The following EYS variants were observed in gnomAD, a reference collection of about 807,000 sequenced individuals.
EYS encodes protein eyes shut homolog.
In EYS, 250 loss-of-function variants were observed where a neutral mutation model predicts 282.1. That is an observed-to-expected ratio of 0.89 (90% CI 0.80 to 0.98). The LOEUF is 0.98. Among genes scored for constraint, EYS ranks in the 50% least tolerant of loss-of-function variants. EYS has a pLI of 0.00. For missense variants in EYS, 4,016 were observed against 3,709.0 expected, an observed-to-expected ratio of 1.08 and a Z score of -2.15; for synonymous variants, 1,355 against 1,282.9, an observed-to-expected ratio of 1.06 and a Z score of -1.20.
intron 22 of EYS, among the ~76,000 whole-genome samples, chr6:64,630,507 A>G (rs984175436): frequency 1.3e-5 from 2 of 152,210 alleles, no homozygotes; most frequent in Non-Finnish European, 2.9e-5. Context: ...CTGTTGATAT[A>G]TAATCATATT....
At chr6:64,364,911 T>G in intron 29 of EYS, among the ~76,000 whole-genome samples, 1 of 151,890 alleles carries the variant, frequency 6.6e-6, no homozygotes, top group East Asian at 1.9e-4. Flanking sequence ...AAAATAAAAA[T>G]AACCTGTATA....
chr6:63,728,045 A>G (rs181339807), intron 41 of EYS, among the ~76,000 whole-genome samples: 76 of 152,130 alleles, frequency 5.0e-4, no homozygotes, highest in Admixed American at 1.3e-3. Context: ...TTAAAATTTT[A>G]AGAACACAAG....
chr6:65,614,771 A>C (rs1020230961), intron 2 of EYS, among the ~76,000 whole-genome samples: 5 of 152,160 alleles, frequency 3.3e-5, no homozygotes, highest in African/African-American at 1.2e-4. Context: ...CAAAATGGTT[A>C]ATGAAATACT....
chr6:65,469,781 T>A (rs1470526004), intron 5 of EYS, among the ~76,000 whole-genome samples: 1 of 152,076 alleles, frequency 6.6e-6, no homozygotes, highest in Non-Finnish European at 1.5e-5. Flanking sequence ...CAAAAAACTT[T>A]CTTCCTCAGC....
chr6:64,963,979 T>G (rs904046882), intron 14 of EYS, among the ~76,000 whole-genome samples: 3 of 152,118 alleles, frequency 2.0e-5, no homozygotes, highest in African/African-American at 7.2e-5. Flanking sequence ...TACCTACTTT[T>G]AAGCAATAGG....
At chr6:64,127,477 C>T (rs1773823437) in intron 31 of EYS, among the ~76,000 whole-genome samples, 2 of 152,000 alleles carry the variant, frequency 1.3e-5, no homozygotes, top group Admixed American at 6.6e-5. Flanking sequence ...CTAATATTAA[C>T]ACAAACTAGG....
At chr6:63,885,428 C>A (rs1447535729) in intron 35 of EYS, among the ~76,000 whole-genome samples, 1 of 152,126 alleles carries the variant, frequency 6.6e-6, no homozygotes, top group East Asian at 1.9e-4. Context: ...CAATGATACT[C>A]ATGGCCAATG....
At chr6:64,160,015 G>A (rs1205088746) in intron 31 of EYS, among the ~76,000 whole-genome samples, 1 of 152,126 alleles carries the variant, frequency 6.6e-6, no homozygotes, top group Non-Finnish European at 1.5e-5. Context: ...GTACAAACAG[G>A]TAGCTCACTT....
At chr6:63,957,517 C>T (rs114628118) in intron 35 of EYS, among the ~76,000 whole-genome samples, 3,558 of 140,990 alleles carry the variant, frequency 0.025, 328 homozygotes, top group African/African-American at 0.079. Context: ...TAATTGTATT[C>T]TTCTATTAAA....
chr6:63,936,482 C>T (rs572568811), intron 35 of EYS, among the ~76,000 whole-genome samples: 22 of 148,984 alleles, frequency 1.5e-4, no homozygotes, highest in Non-Finnish European at 2.1e-4. Context: ...TCCCCTAAAG[C>T]CCCCAGCTTA....
chr6:63,978,565 G>C (rs1468339177), intron 35 of EYS, among the ~76,000 whole-genome samples: 1 of 151,938 alleles, frequency 6.6e-6, no homozygotes, highest in African/African-American at 2.4e-5. Context: ...AGGGTAGACT[G>C]CTGAGCTAGA....
rs1774020063 is a variant in EYS at position 64,786,346 on chromosome 6, G to T, written c.3443+27032C>A. 2.0e-5 allele frequency among the ~76,000 whole-genome samples: 3 copies of T among 152,058 alleles called. No homozygotes were observed. The South Asian group carries it at 6.2e-4, about 32-fold the overall frequency. On this transcript the variant is annotated intron_variant, in intron 22 of 42. Coordinates refer to ENST00000503581, the MANE Select transcript of EYS (RefSeq NM_001142800.2). ...CCCAAGTGTGGCGGAAACCAGCCAG[G>T]TGTATATATAGACGTTGGAAGAGGC...
chr6:64,067,929 C>T (rs566798640), intron 32 of EYS, among the ~76,000 whole-genome samples: 4 of 151,580 alleles, frequency 2.6e-5, no homozygotes, highest in Admixed American at 6.6e-5. Context: ...CCTAGGCTTT[C>T]GTTACTGTGA....
chr6:65,148,659 G>A (rs1764536590), intron 12 of EYS, among the ~76,000 whole-genome samples: 1 of 152,080 alleles, frequency 6.6e-6, no homozygotes, highest in Non-Finnish European at 1.5e-5. Flanking sequence ...CAGTGCTCTA[G>A]TATGCACTCT....
intron 31 of EYS, among the ~76,000 whole-genome samples, chr6:64,220,461 G>T (rs1206870372): frequency 1.3e-5 from 2 of 152,156 alleles, no homozygotes; most frequent in Admixed American, 1.3e-4. Flanking sequence ...TCAGCAGACT[G>T]GCTGGCATGG....
At chr6:64,763,820 G>A (rs1223372386) in intron 22 of EYS, among the ~76,000 whole-genome samples, 1 of 152,074 alleles carries the variant, frequency 6.6e-6, no homozygotes, top group African/African-American at 2.4e-5. Flanking sequence ...ATCTGAAAGG[G>A]AGAAACTGGC....
chr6:65,439,468 G>A (rs569275743), intron 5 of EYS, among the ~76,000 whole-genome samples: 2 of 151,962 alleles, frequency 1.3e-5, no homozygotes, highest in South Asian at 2.1e-4. Context: ...ATATTGATTC[G>A]TCCTATCCAT....
intron 13 of EYS, among the ~76,000 whole-genome samples, chr6:65,002,480 C>T (rs916720628): frequency 2.8e-5 from 4 of 143,508 alleles, no homozygotes; most frequent in Non-Finnish European, 4.7e-5. Context: ...AGGGCCCCAC[C>T]ACTACCTTTT....
intron 12 of EYS, among the ~76,000 whole-genome samples, chr6:65,254,410 A>G (rs1053581246): frequency 5.9e-5 from 9 of 151,924 alleles, no homozygotes; most frequent in Non-Finnish European, 5.9e-5. Flanking sequence ...AGGAAATTCA[A>G]TTTACACAGG....
Sources: gnomAD v4.1 joint callset for allele counts (sites outside exome capture counted in the v4.1 genomes callset) on GRCh38, gnomAD v4.1.1 for gene constraint, MANE v1.5 for transcripts, NCBI Gene and HGNC (gene_info 2026-07-23, HGNC 2026-07-21) for gene names.